ESRRG: variants seen among roughly 807,000 people sequenced by gnomAD.
ESRRG encodes the protein estrogen-related receptor gamma.
Under a neutral mutation model 44.0 loss-of-function variants are expected in ESRRG, and 13 were observed. That is an observed-to-expected ratio of 0.30 (90% CI 0.19 to 0.47). ESRRG has a LOEUF of 0.47. Among genes scored for constraint, ESRRG ranks in the 20% least tolerant of loss-of-function variants. ESRRG has a pLI of 1.00. For missense variants in ESRRG, 395 were observed against 580.6 expected (o/e 0.68, Z 3.29); for synonymous variants, 215 against 214.6 (o/e 1.00, Z -0.02).
At chr1:216,648,613 A>G (rs2068175857) in intron 3 of ESRRG, among the ~76,000 whole-genome samples, 1 of 152,306 alleles carries the variant, frequency 6.6e-6, no homozygotes, top group East Asian at 1.9e-4. Flanking sequence ...AAGGAAAAAT[A>G]TCTTCTTTAA....
At chr1:216,840,193 T>A (rs987922552) in intron 2 of ESRRG, among the ~76,000 whole-genome samples, 8 of 152,166 alleles carry the variant, frequency 5.3e-5, no homozygotes, top group African/African-American at 1.9e-4. Flanking sequence ...CCTAGCTAGA[T>A]CTTCTGGATA....
intron 2 of ESRRG, among the ~76,000 whole-genome samples, chr1:216,815,009 C>T (rs765354289): frequency 1.3e-5 from 2 of 152,182 alleles, no homozygotes; most frequent in East Asian, 1.9e-4. Context: ...AAATCCTCCC[C>T]TCACTTTAAT....
intron 1 of ESRRG, among the ~76,000 whole-genome samples, chr1:216,982,397 T>C (rs2074114068): frequency 6.6e-6 from 1 of 152,166 alleles, no homozygotes; most frequent in Non-Finnish European, 1.5e-5. Flanking sequence ...TCTGAGCACT[T>C]ATCTCCCATT....
chr1:216,669,758 T>C (rs2074767961), intron 2 of ESRRG, among the ~76,000 whole-genome samples: 1 of 152,108 alleles, frequency 6.6e-6, no homozygotes, highest in Admixed American at 6.6e-5. Flanking sequence ...TGCTGGTGTG[T>C]GCCTGTAATC....
chr1:216,779,331 A>G (rs1450374288), intron 2 of ESRRG, among the ~76,000 whole-genome samples: 1 of 93,560 alleles, frequency 1.1e-5, no homozygotes, highest in Non-Finnish European at 1.9e-5. Flanking sequence ...ATAAATATAT[A>G]TTTATATTTA....
At chr1:216,530,598 A>G (rs1452357233) in intron 5 of ESRRG, among the ~76,000 whole-genome samples, 1 of 152,154 alleles carries the variant, frequency 6.6e-6, no homozygotes, top group African/African-American at 2.4e-5. Flanking sequence ...GCATTGTGAG[A>G]ACCTGGGTCA....
At chr1:217,115,308 T>A (rs1014213059) in intron 1 of ESRRG, among the ~76,000 whole-genome samples, 2 of 152,174 alleles carry the variant, frequency 1.3e-5, no homozygotes, top group Non-Finnish European at 2.9e-5. Flanking sequence ...TCCTATGCGA[T>A]AAATGTCAGC....
At chr1:216,557,419 AAAACCAAACC>A (rs1219496909) in intron 5 of ESRRG, among the ~76,000 whole-genome samples, 2 of 152,132 alleles carry the variant, frequency 1.3e-5, no homozygotes, top group African/African-American at 4.8e-5. Context: ...CCACTGTTAA[AAAACCAAACC>A]AAACCAAACC....
chr1:216,919,108 T>G (rs1340492254), intron 2 of ESRRG, among the ~76,000 whole-genome samples: 1 of 152,128 alleles, frequency 6.6e-6, no homozygotes, highest in Non-Finnish European at 1.5e-5. Flanking sequence ...ATCTAATGTT[T>G]CCATTTCAGA....
chr1:216,827,474 T>C (rs561793010), intron 2 of ESRRG, among the ~76,000 whole-genome samples: 64 of 152,248 alleles, frequency 4.2e-4, no homozygotes, highest in Non-Finnish European at 8.5e-4. Flanking sequence ...TGACCTGGAG[T>C]AATTCAGCCT....
rs549307413 is a variant in ESRRG at position 217,121,114 on chromosome 1, A to G, written c.-230+16553T>C. 3.8e-5 allele frequency among the ~76,000 whole-genome samples: 4 copies of G among 105,484 alleles called. No individual in the cohort carries two copies. In the East Asian group the frequency reaches 1.0e-3, roughly 27 times the overall value. The allele number at this position is 105,484 out of a possible 152,430, so 69.2% of individuals were successfully genotyped here. A position where few individuals can be genotyped will look rare whatever the true frequency, so the allele number is the denominator to read the frequency against. On this transcript the variant is annotated intron_variant, in intron 1 of 8. Coordinates refer to the ESRRG transcript ENST00000366940. ...GAGGTGTCAGCTGTGTCGGGTCTTG[A>G]AGAATACACACACACACACACACAC...
At chr1:216,832,327 C>T (rs1353986630) in intron 2 of ESRRG, among the ~76,000 whole-genome samples, 3 of 152,146 alleles carry the variant, frequency 2.0e-5, no homozygotes, top group Admixed American at 6.5e-5. Context: ...CATTGACTGA[C>T]GCTGCTAAGC....
At chr1:217,055,778 T>G (rs1156974886) in intron 1 of ESRRG, among the ~76,000 whole-genome samples, 1 of 152,116 alleles carries the variant, frequency 6.6e-6, no homozygotes, top group Non-Finnish European at 1.5e-5. Flanking sequence ...ATCATCTGAG[T>G]CTCCAACTAT....
chr1:217,075,595 C>T (rs1008042770), intron 1 of ESRRG, among the ~76,000 whole-genome samples: 2 of 146,954 alleles, frequency 1.4e-5, no homozygotes, highest in African/African-American at 5.1e-5. Flanking sequence ...CCTTTCCCCC[C>T]CCCAACATTA....
At chr1:217,133,645 C>CTCTCTTTCTTTCTTTCCTTCTTTCTT in intron 1 of ESRRG, among the ~76,000 whole-genome samples, 1 of 91,814 alleles carries the variant, frequency 1.1e-5, no homozygotes, top group African/African-American at 4.2e-5. Flanking sequence ...CTCTCTCTCT[C>CTCTCTTTCTTTCTTTCCTTCTTTCTT]TCTTTCTTTC....
At chr1:216,917,875 A>T (rs2061382425) in intron 2 of ESRRG, among the ~76,000 whole-genome samples, 1 of 152,234 alleles carries the variant, frequency 6.6e-6, no homozygotes, top group Non-Finnish European at 1.5e-5. Flanking sequence ...TCTGGAGTTC[A>T]TCTTCACCTC....
Position 216,564,200 on chromosome 1 carries a change from T to C in ESRRG, c.862+19A>G. The C allele has an allele frequency of 6.8e-7, 1 of 1,471,802 alleles. No individual in the cohort carries two copies. The highest frequency in any genetic ancestry group is 9.1e-7 in the Non-Finnish European group (1 of 1,102,680). The allele number at this position is 1,471,802 out of a possible 1,614,324, so 91.2% of individuals were successfully genotyped here. On this transcript the variant is annotated intron_variant, in intron 5 of 6. Transcript: ENST00000408911. ...TTAATTGCAACCTTTTCTTTTCTTT[T>C]TCTTTTCAGAAAATGTACCTGGAAT...
intron 1 of ESRRG, among the ~76,000 whole-genome samples, chr1:216,683,228 C>T (rs564873078): frequency 1.2e-4 from 18 of 152,180 alleles, no homozygotes; most frequent in Non-Finnish European, 1.5e-4. Context: ...GTTAACCTAA[C>T]GGAAGGAGAT....
intron 1 of ESRRG, among the ~76,000 whole-genome samples, chr1:216,683,528 G>A (rs991761569): frequency 6.6e-6 from 1 of 152,166 alleles, no homozygotes; most frequent in African/African-American, 2.4e-5. Context: ...CTCAAAGCTG[G>A]TGCCTGAGTT....
Sources: gnomAD v4.1 joint callset for allele counts (sites outside exome capture counted in the v4.1 genomes callset) on GRCh38, gnomAD v4.1.1 for gene constraint, MANE v1.5 for transcripts, NCBI Gene and HGNC (gene_info 2026-07-23, HGNC 2026-07-21) for gene names.